ELP1: variants seen among roughly 807,000 people sequenced by gnomAD.
ELP1 encodes the protein elongator complex protein 1.
ELP1 carries 131 observed loss-of-function variants against 183.2 expected under a neutral mutation model. That is an observed-to-expected ratio of 0.72 (90% CI 0.62 to 0.83). The LOEUF (loss-of-function observed/expected upper bound fraction) is 0.83, where lower values mean the gene tolerates loss of function less well. ELP1 is among the 40% of genes least tolerant of loss of function. ELP1 has a pLI of 0.00. For synonymous variants in ELP1, 555 were observed against 569.0 expected, an observed-to-expected ratio of 0.98 and a Z score of 0.35; for missense variants, 1,550 against 1,594.9, an observed-to-expected ratio of 0.97 and a Z score of 0.48.
In ELP1 at chr9:108,894,013, A is replaced by G. The variant is rs1057521262; in HGVS notation, c.2790T>C (p.Asn930=). The change falls in exon 26 of 37, where the codon AAT becomes AAC. Residue 930 remains asparagine, a synonymous_variant. Transcript: ENST00000374647. The part of the protein sequence containing the change: ...FLNTLKKMET[N]YQRFTIDKYL... ...ATTTGTCTATAGTAAACCGCTGATA[A>G]TTAGTTTCCATTTTCTTAAGTGTAT... The G allele has an allele frequency of 3.6e-5, 57 of 1,590,558 alleles. No individual in the cohort carries two copies. The highest frequency in any genetic ancestry group is 4.3e-5 in the Non-Finnish European group (50 of 1,158,988).
At chr9:108,885,274 C>A (rs956032542) in intron 29 of ELP1, among the ~76,000 whole-genome samples, 1 of 151,740 alleles carries the variant, frequency 6.6e-6, no homozygotes, top group Non-Finnish European at 1.5e-5. Context: ...ATTGATAAAC[C>A]TCTGGCCAGA....
chr9:108,926,686 G>A (rs1829834460), intron 4 of ELP1, 83 bp from the exon 5 acceptor site: 2 of 963,268 alleles, frequency 2.1e-6, no homozygotes, highest in Admixed American at 3.9e-5. Flanking sequence ...TGTAAGCTAA[G>A]GAGCTGGAGT....
chr9:108,877,817 T>C (rs781725905), intron 35 of ELP1, among the ~76,000 whole-genome samples, 178 bp downstream of exon 35: 4 of 152,218 alleles, frequency 2.6e-5, no homozygotes, highest in Admixed American at 6.5e-5. Context: ...CAAGGTATAC[T>C]AGTCACTCTA....
At chr9:108,881,625 G>GT (rs1423194703) in intron 31 of ELP1, 80 bp downstream of exon 31, 27 of 865,182 alleles carry the variant, frequency 3.1e-5, no homozygotes, top group Non-Finnish European at 4.9e-5. Flanking sequence ...AGAAAACACA[G>GT]TAAATAGGAG....
intron 33 of ELP1, 63 bp downstream of exon 33, chr9:108,879,383 T>C: frequency 8.1e-7 from 1 of 1,235,494 alleles, no homozygotes; most frequent in Admixed American, 1.7e-5. Context: ...ACCAATCTAT[T>C]TGCTTCCACT....
chr9:108,933,084 C>T (rs1830052623), intron 1 of ELP1, among the ~76,000 whole-genome samples: 1 of 152,186 alleles, frequency 6.6e-6, no homozygotes. Context: ...CCAAACTTAC[C>T]ACTAAACCCA....
chr9:108,868,727 C>T lies in ELP1; in HGVS notation c.*388G>A. 1 of 542,558 alleles carries T rather than the reference C, an allele frequency of 1.8e-6. No individual in the cohort carries two copies. The highest frequency in any genetic ancestry group is 3.2e-6 in the Non-Finnish European group (1 of 309,278). The allele number at this position is 542,558 out of a possible 1,614,324, so 33.6% of individuals were successfully genotyped here. A position where few individuals can be genotyped will look rare whatever the true frequency, so the allele number is the denominator to read the frequency against. ...TTTGACCAAATGTAGCACTAATAGC[C>T]ATTGTAATCTTCTCCGCCAACAAAA... On this transcript the variant is annotated 3_prime_UTR_variant, in exon 37 of 37. Transcript: ENST00000374647.
At chr9:108,923,060 A>G (rs1362025479) in intron 5 of ELP1, 133 bp from the exon 6 acceptor site, 3 of 755,562 alleles carry the variant, frequency 4.0e-6, no homozygotes, top group Non-Finnish European at 7.1e-6. Flanking sequence ...ATTGACCAGC[A>G]GTCAATATTT....
rs185246866 is a variant in ELP1 at position 108,896,775 on chromosome 9, T to A, written c.2588-131A>T. The A allele has an allele frequency of 8.3e-5, 87 of 1,042,856 alleles. No homozygotes were observed. The South Asian group carries it at 8.7e-4, about 10-fold the overall frequency. The allele number at this position is 1,042,856 out of a possible 1,614,324, so 64.6% of individuals were successfully genotyped here. On this transcript the variant is annotated intron_variant, in intron 24 of 36. Coordinates refer to ENST00000374647, the MANE Select transcript of ELP1 (RefSeq NM_003640.5). ...ACATCAGAAGAATATATACTTCTGA[T>A]ACTTTTATATATGCTTTAGAGGGCA...
At chr9:108,930,642 G>A (rs1039311138) in intron 2 of ELP1, among the ~76,000 whole-genome samples, 1 of 135,362 alleles carries the variant, frequency 7.4e-6, no homozygotes, top group Non-Finnish European at 1.5e-5. Context: ...AGTGAGCCAC[G>A]ATCACACCAC....
chr9:108,930,385 C>T (rs999449592), intron 2 of ELP1, among the ~76,000 whole-genome samples: 2 of 152,134 alleles, frequency 1.3e-5, no homozygotes, highest in Non-Finnish European at 2.9e-5. Flanking sequence ...GATGTGGGCT[C>T]AAACTTTTAG....
At chr9:108,913,677 T>C (rs191293188) in intron 10 of ELP1, among the ~76,000 whole-genome samples, 154 of 152,230 alleles carry the variant, frequency 1.0e-3, no homozygotes, top group African/African-American at 3.6e-3. Flanking sequence ...AGATGGAGTC[T>C]CACTCTGTCA....
chr9:108,903,492 C>T, intron 15 of ELP1, 71 bp downstream of exon 15: 1 of 1,038,786 alleles, frequency 9.6e-7, no homozygotes, highest in African/African-American at 1.6e-5. Flanking sequence ...TGACAAGATA[C>T]AAGTACATGT....
At chr9:108,880,733 G>A (rs1301116883) in intron 31 of ELP1, among the ~76,000 whole-genome samples, 1 of 152,226 alleles carries the variant, frequency 6.6e-6, no homozygotes, top group African/African-American at 2.4e-5. Flanking sequence ...ATTTATCTAA[G>A]AAAGGTTCTC....
In ELP1 at chr9:108,895,713, G is replaced by A. The variant is rs76991734; in HGVS notation, c.2736+783C>T. Among the ~76,000 whole-genome samples the A allele has an allele frequency of 2.6e-3, 400 of 152,268 alleles. 1 individual carries two copies. Among genetic ancestry groups the A allele is most frequent in the Admixed American group, 4.5e-3 (69 of 15,302 alleles). On this transcript the variant is annotated intron_variant, in intron 25 of 36. Transcript: ENST00000374647. ...CGATTTTCATTTTTGGAGAGGTCAT[G>A]GGGAAGAGACTGAGGCTGCAAAAAA...
chr9:108,917,643 T>C lies in ELP1; in HGVS notation c.768A>G (p.Thr256=), dbSNP rs985459923. 3 of 1,613,916 alleles carry C rather than the reference T, an allele frequency of 1.9e-6. No individual in the cohort carries two copies. The African/African-American group carries it at 4.0e-5, about 22-fold the overall frequency. ...WKPSGSLIAS[T]QDKPNQQDIV... ...TATCCTGCTGGTTGGGTTTATCTTG[T>C]GTAGATGCAATCAAACTGCCTGAGG... Residue 256 remains threonine, a synonymous_variant, in exon 9 of 37, where the codon ACA becomes ACG. Coordinates refer to ENST00000374647, the MANE Select transcript of ELP1 (RefSeq NM_003640.5).
chr9:108,912,565 T>C, intron 10 of ELP1, 71 bp from the exon 11 acceptor site: 1 of 1,046,050 alleles, frequency 9.6e-7, no homozygotes, highest in Non-Finnish European at 1.5e-6. Context: ...CCAGAGGGGT[T>C]CAAGGGCAAT....
At chr9:108,924,300 A>C (rs192109438) in intron 5 of ELP1, among the ~76,000 whole-genome samples, 2 of 152,352 alleles carry the variant, frequency 1.3e-5, no homozygotes, top group Non-Finnish European at 2.9e-5. Flanking sequence ...ACAGCCTGCA[A>C]AGCTGAACAT....
In ELP1 at chr9:108,911,073, GGT is replaced by G; in HGVS notation, c.1295_1296del (p.His432ProfsTer5). On this transcript the variant is annotated frameshift_variant, in exon 12 of 37. Coordinates refer to ENST00000374647, the MANE Select transcript of ELP1 (RefSeq NM_003640.5). LOFTEE classifies it high-confidence loss of function. ...ACAGCAAGGTCATTACTCTTTTGAG[GGT>G]GTGCTAAGAATGTGACTTGATTCAC... Reference protein sequence around the residue: ...HPVNQVTFLAHPQKSNDLAVL... With the variant: ...HPVNQVTFLAXPQKSNDLAVL... 2 of 1,614,030 alleles carry G rather than the reference GGT, an allele frequency of 1.2e-6. No homozygotes were observed. The highest frequency in any genetic ancestry group is 1.7e-6 in the Non-Finnish European group (2 of 1,179,946).
Sources: gnomAD v4.1 joint callset for allele counts (sites outside exome capture counted in the v4.1 genomes callset) on GRCh38, gnomAD v4.1.1 for gene constraint, MANE v1.5 for transcripts, NCBI Gene and HGNC (gene_info 2026-07-23, HGNC 2026-07-21) for gene names.